PDE11A: variants seen among roughly 807,000 people sequenced by gnomAD.
PDE11A encodes phosphodiesterase 11A, also known as dual 3',5'-cyclic-AMP and -GMP phosphodiesterase 11A.
Under a neutral mutation model 100.5 loss-of-function variants are expected in PDE11A, and 100 were observed. The observed-to-expected ratio is 1.00, with a 90% confidence interval of 0.85 to 1.18. The LOEUF is 1.18. PDE11A is among the 50% of genes most tolerant of loss of function. The pLI, the probability that PDE11A is intolerant of heterozygous loss-of-function variation, is 0.00. For synonymous variants in PDE11A, 381 were observed against 420.8 expected (o/e 0.91, Z 1.16); for missense variants, 1,141 against 1,152.6 (o/e 0.99, Z 0.15).
intron 2 of PDE11A, among the ~76,000 whole-genome samples, chr2:178,103,710 CAT>C: frequency 6.7e-6 from 1 of 150,008 alleles, no homozygotes; most frequent in Non-Finnish European, 1.5e-5. Context: ...TATATAAAAC[CAT>C]ATATATATTT....
At chr2:177,919,538 A>G (rs543126327) in intron 2 of PDE11A, among the ~76,000 whole-genome samples, 31 of 152,196 alleles carry the variant, frequency 2.0e-4, no homozygotes, top group Non-Finnish European at 1.0e-4. Flanking sequence ...AAACTTTCAT[A>G]TTAACTTTTA....
chr2:177,786,179 T>A (rs1047484769), intron 9 of PDE11A, among the ~76,000 whole-genome samples: 25 of 152,276 alleles, frequency 1.6e-4, no homozygotes, highest in African/African-American at 5.8e-4. Flanking sequence ...CGGGTACTCC[T>A]CTGAGACAAA....
At chr2:177,815,168 C>T (rs371937292) in intron 9 of PDE11A, among the ~76,000 whole-genome samples, 1 of 152,172 alleles carries the variant, frequency 6.6e-6, no homozygotes, top group Non-Finnish European at 1.5e-5. Context: ...CATAACTCAA[C>T]ATTTGCTGTT....
chr2:177,893,634 TA>T (rs1442635511), intron 4 of PDE11A, among the ~76,000 whole-genome samples: 2 of 152,192 alleles, frequency 1.3e-5, no homozygotes, highest in East Asian at 3.8e-4. Context: ...GTTATGTAGA[TA>T]ACTATTGGTT....
chr2:177,877,962 C>A (rs2084268168), intron 4 of PDE11A, among the ~76,000 whole-genome samples: 1 of 151,274 alleles, frequency 6.6e-6, no homozygotes, highest in African/African-American at 2.4e-5. Context: ...TTGATGAGCA[C>A]CTGAGAAAAT....
intron 9 of PDE11A, among the ~76,000 whole-genome samples, chr2:177,786,556 G>T (rs1418270750): frequency 6.6e-6 from 1 of 152,230 alleles, no homozygotes; most frequent in East Asian, 1.9e-4. Flanking sequence ...TTGACGAGTT[G>T]AGAGAAGAAG....
At chr2:178,066,814 G>T (rs551619990) in intron 1 of PDE11A, among the ~76,000 whole-genome samples, 1 of 152,154 alleles carries the variant, frequency 6.6e-6, no homozygotes, top group Non-Finnish European at 1.5e-5. Context: ...CAAATACTGA[G>T]AATGCCTCAG....
At chr2:177,701,885 TC>T (rs2081202937) in intron 13 of PDE11A, among the ~76,000 whole-genome samples, 1 of 152,216 alleles carries the variant, frequency 6.6e-6, no homozygotes, top group Non-Finnish European at 1.5e-5. Flanking sequence ...TCTCAGCTCT[TC>T]CTCCAAGTAG....
At chr2:178,071,049 G>A (rs1307443713) in intron 1 of PDE11A, among the ~76,000 whole-genome samples, 3 of 152,170 alleles carry the variant, frequency 2.0e-5, no homozygotes, top group African/African-American at 7.2e-5. Context: ...AAGTAGTTAA[G>A]CACTTTGTTC....
chr2:178,099,952 G>C (rs1310409135), intron 2 of PDE11A, among the ~76,000 whole-genome samples: 1 of 152,028 alleles, frequency 6.6e-6, no homozygotes, highest in Non-Finnish European at 1.5e-5. Flanking sequence ...ATTTCAACAC[G>C]TTATAACATA....
chr2:177,800,344 TC>T (rs752175965), intron 9 of PDE11A, among the ~76,000 whole-genome samples: 10 of 152,072 alleles, frequency 6.6e-5, no homozygotes, highest in South Asian at 4.2e-4. Context: ...TAATTTTTTT[TC>T]CCTTTTGTAG....
chr2:177,627,095 G>C lies in PDE11A; in HGVS notation c.*2312C>G, dbSNP rs1426433748. 8.4e-6 allele frequency: 1 copy of C among 119,058 alleles called. No individual in the cohort carries two copies. Among genetic ancestry groups the C allele is most frequent in the Non-Finnish European group, 1.6e-5 (1 of 62,308 alleles). The allele number at this position is 119,058 out of a possible 1,614,324, so 7.4% of individuals were successfully genotyped here. On this transcript the variant is annotated 3_prime_UTR_variant, in exon 20 of 20. Transcript: ENST00000286063. ...GTCGCCCAGGCTGGAGGGCAGTGACGTGATCTCGACTCACTGCAAGCTCCG... is the reference window on the plus strand; with the variant it reads ...GTCGCCCAGGCTGGAGGGCAGTGACCTGATCTCGACTCACTGCAAGCTCCG...
chr2:177,808,840 A>C (rs552344458), intron 9 of PDE11A, among the ~76,000 whole-genome samples: 1 of 152,332 alleles, frequency 6.6e-6, no homozygotes, highest in South Asian at 2.1e-4. Context: ...CATGAAAAAT[A>C]ATCAGACCAT....
chr2:177,793,739 AGTACCTGGCTCCATCG>A (rs2082664650), intron 9 of PDE11A, among the ~76,000 whole-genome samples: 1 of 152,072 alleles, frequency 6.6e-6, no homozygotes, highest in Non-Finnish European at 1.5e-5. Context: ...TCTGCTTGTG[AGTACCTGGCTCCATCG>A]CTCACACTGC....
intron 13 of PDE11A, among the ~76,000 whole-genome samples, chr2:177,702,997 C>A (rs538069575): frequency 6.6e-6 from 1 of 152,000 alleles, no homozygotes; most frequent in Non-Finnish European, 1.5e-5. Flanking sequence ...TGTTTCAAAA[C>A]GTATACTATA....
intron 14 of PDE11A, among the ~76,000 whole-genome samples, chr2:177,697,751 T>A (rs185829709): frequency 1.3e-5 from 2 of 152,332 alleles, no homozygotes; most frequent in Admixed American, 1.3e-4. Flanking sequence ...CCTATGGAAT[T>A]ACTTAGAGGA....
chr2:177,629,892 C>T (rs2079892648), intron 19 of PDE11A, among the ~76,000 whole-genome samples: 1 of 152,150 alleles, frequency 6.6e-6, no homozygotes, highest in Non-Finnish European at 1.5e-5. Flanking sequence ...CTCACATATG[C>T]CTACTTACGT....
At chr2:178,055,996 A>T (rs1235906468) in intron 1 of PDE11A, among the ~76,000 whole-genome samples, 3 of 152,052 alleles carry the variant, frequency 2.0e-5, no homozygotes, top group Non-Finnish European at 4.4e-5. Flanking sequence ...GAAGATGCAG[A>T]TATTAAGGTT....
chr2:177,752,331 C>G (rs2082036726), intron 10 of PDE11A, among the ~76,000 whole-genome samples: 1 of 152,174 alleles, frequency 6.6e-6, no homozygotes, highest in Non-Finnish European at 1.5e-5. Context: ...TCAGGGTAGA[C>G]TCTTATAATG....
Sources: allele counts gnomAD v4.1 joint callset (sites outside exome capture counted in the v4.1 genomes callset), GRCh38; gene constraint gnomAD v4.1.1; transcripts MANE v1.5; gene names NCBI Gene and HGNC (gene_info 2026-07-23, HGNC 2026-07-21).